The following LTBP2 variants were observed in gnomAD, a reference collection of about 807,000 sequenced individuals.
LTBP2 encodes the protein latent-transforming growth factor beta-binding protein 2.
A neutral mutation model predicts 210.6 loss-of-function variants in LTBP2; 103 were observed. The ratio of observed to expected loss-of-function variants is 0.49; its 90% CI spans 0.42 to 0.58. LTBP2 has a LOEUF of 0.58. Ranked by LOEUF, LTBP2 falls within the 20% of genes least tolerant of loss-of-function variation. LTBP2 has a pLI of 0.00. For synonymous variants in LTBP2, 1,007 were observed against 1,015.0 expected (o/e 0.99, Z 0.15); for missense variants, 2,313 against 2,494.5 (o/e 0.93, Z 1.55).
At chr14:74,572,785 A>G (rs182572293) in intron 3 of LTBP2, among the ~76,000 whole-genome samples, 1 of 152,196 alleles carries the variant, frequency 6.6e-6, no homozygotes, top group African/African-American at 2.4e-5. Flanking sequence ...GCAGAGGGAG[A>G]CCCTCACTGA....
chr14:74,597,073 C>A (rs1595299821), intron 2 of LTBP2, among the ~76,000 whole-genome samples: 1 of 152,158 alleles, frequency 6.6e-6, no homozygotes, highest in African/African-American at 2.4e-5. Flanking sequence ...TAGAAGACCC[C>A]AGACTAAGTC....
At position 74,589,223 on chromosome 14, in the gene LTBP2, C is replaced by T. The variant is rs188353170; in HGVS notation, c.566-3105G>A. The stretch of plus-strand genomic sequence containing the variant: ...GGATGTGAAGCTTGTGATAGTGTCT[C>T]CAGCACACTGTCTGACACGGAAAGT... On this transcript the variant is annotated intron_variant, in intron 2 of 35. Coordinates refer to ENST00000261978, the MANE Select transcript of LTBP2 (RefSeq NM_000428.3). Among the ~76,000 whole-genome samples the T allele has an allele frequency of 7.2e-5, 11 of 152,286 alleles. No homozygotes were observed. The East Asian group carries it at 2.1e-3, about 29-fold the overall frequency.
intron 19 of LTBP2, among the ~76,000 whole-genome samples, chr14:74,510,856 T>A (rs747674419): frequency 1.3e-5 from 2 of 152,196 alleles, no homozygotes; most frequent in African/African-American, 4.8e-5. Flanking sequence ...CGCTGTGCGG[T>A]GGGCGTGCAG....
chr14:74,585,309 AG>A (rs1248703576), intron 3 of LTBP2, among the ~76,000 whole-genome samples: 1 of 152,196 alleles, frequency 6.6e-6, no homozygotes, highest in African/African-American at 2.4e-5. Flanking sequence ...CCTACATCAC[AG>A]GGACCACAGG....
intron 3 of LTBP2, among the ~76,000 whole-genome samples, chr14:74,571,879 G>A (rs1305559339): frequency 6.6e-6 from 1 of 152,090 alleles, no homozygotes; most frequent in Non-Finnish European, 1.5e-5. Flanking sequence ...TGTTTTGCAA[G>A]GAACAGGGAT....
At chr14:74,511,658 G>C (rs555405664) in intron 18 of LTBP2, among the ~76,000 whole-genome samples, 1 of 152,326 alleles carries the variant, frequency 6.6e-6, no homozygotes, top group South Asian at 2.1e-4. Context: ...TTGTGAGCTG[G>C]GCTGTTGGGG....
chr14:74,562,476 A>C (rs1353947142), intron 3 of LTBP2, among the ~76,000 whole-genome samples: 1 of 152,178 alleles, frequency 6.6e-6, no homozygotes, highest in Non-Finnish European at 1.5e-5. Context: ...TTAAAGTAAA[A>C]AGACAAATGA....
chr14:74,591,077 C>G (rs563926642), intron 2 of LTBP2, among the ~76,000 whole-genome samples: 2 of 152,188 alleles, frequency 1.3e-5, no homozygotes, highest in East Asian at 3.8e-4. Flanking sequence ...CTACGGCACA[C>G]CACGACTCAC....
chr14:74,498,290 C>T lies in LTBP2; in HGVS notation c.*2594G>A, dbSNP rs1327945550. 5.4e-6 allele frequency: 1 copy of T among 186,084 alleles called. No individual in the cohort carries two copies. The highest frequency in any genetic ancestry group is 1.1e-5 in the Non-Finnish European group (1 of 88,056). The allele number at this position is 186,084 out of a possible 1,614,324, so 11.5% of individuals were successfully genotyped here. A position where few individuals can be genotyped will look rare whatever the true frequency, so the allele number is the denominator to read the frequency against. On this transcript the variant is annotated 3_prime_UTR_variant, in exon 36 of 36. Transcript: ENST00000261978. The stretch of plus-strand genomic sequence containing the variant: ...AAAAGTCTCCCAATCCTGTACCTAT[C>T]CACCCTGTCACCCTCCCCACAAACC...
At position 74,612,162 on chromosome 14, in the gene LTBP2, C is replaced by T. The variant is rs1595309293; in HGVS notation, c.-218G>A. On this transcript the variant is annotated 5_prime_UTR_variant, in exon 1 of 36. Coordinates refer to ENST00000261978, the MANE Select transcript of LTBP2 (RefSeq NM_000428.3). ...CGCGCTCCTACTCCAGCTGGGCTCGCACGGCTGCTGCACCTTCGCGCCTCC... is the reference window on the plus strand; with the variant it reads ...CGCGCTCCTACTCCAGCTGGGCTCGTACGGCTGCTGCACCTTCGCGCCTCC... The T allele has an allele frequency of 3.8e-6, 2 of 520,066 alleles. No homozygotes were observed. The highest frequency in any genetic ancestry group is 6.8e-5 in the East Asian group (2 of 29,266). 32.2% of individuals were successfully genotyped at this position (520,066 alleles called of 1,614,324 possible).
intron 1 of LTBP2, among the ~76,000 whole-genome samples, chr14:74,609,760 TC>T (rs1555354525): frequency 6.6e-6 from 1 of 152,182 alleles, no homozygotes; most frequent in Non-Finnish European, 1.5e-5. Flanking sequence ...ACAGGAACCT[TC>T]CAGTACTAGA....
intron 25 of LTBP2, among the ~76,000 whole-genome samples, chr14:74,507,600 ACTT>A (rs2087007661): frequency 6.6e-6 from 1 of 152,188 alleles, no homozygotes; most frequent in African/African-American, 2.4e-5. Flanking sequence ...AGAGCACTGT[ACTT>A]CTCTTTACAC....
chr14:74,517,000 C>G, intron 17 of LTBP2, 59 bp from the exon 18 acceptor site: 1 of 1,541,340 alleles, frequency 6.5e-7, no homozygotes, highest in Non-Finnish European at 8.7e-7. Flanking sequence ...GTGGAGGGGG[C>G]GGGGTCCTGG....
chr14:74,503,683 A>G (rs986799355), intron 31 of LTBP2, 77 bp from the exon 32 acceptor site: 16 of 1,579,028 alleles, frequency 1.0e-5, no homozygotes, highest in African/African-American at 2.7e-5. Context: ...GTGTTTGCCT[A>G]TCACTGATAA....
intron 12 of LTBP2, 104 bp from the exon 13 acceptor site, chr14:74,527,470 C>T (rs1214798896): frequency 4.8e-6 from 6 of 1,241,186 alleles, no homozygotes; most frequent in South Asian, 1.3e-5. Flanking sequence ...CAGACCACAT[C>T]CCCAGCAGGG....
chr14:74,585,943 G>A lies in LTBP2; in HGVS notation c.741C>T (p.Arg247=), dbSNP rs746445216. 1.2e-6 allele frequency: 2 copies of A among 1,613,906 alleles called. No homozygotes were observed. ...RRWAERSPNL[R]RSSAAGEGTL... ...TGCCCTCTCCAGCCGCACTGCTCCT[G>A]CGCAGGTTGGGTGAACGCTCGGCCC... Residue 247 remains arginine (R), a synonymous_variant, in exon 3 of 36, where the codon CGC becomes CGT. Transcript: ENST00000261978.
chr14:74,578,579 C>T (rs372564470), intron 3 of LTBP2, among the ~76,000 whole-genome samples: 200 of 152,292 alleles, frequency 1.3e-3, no homozygotes, highest in Non-Finnish European at 2.3e-3. Context: ...TCAGGGCACC[C>T]AGCACTGCCC....
At chr14:74,528,785 C>G in intron 11 of LTBP2, 87 bp from the exon 12 acceptor site, 1 of 1,543,828 alleles carries the variant, frequency 6.5e-7, no homozygotes. Flanking sequence ...TTGGGAGACA[C>G]GGCAATTGTG....
rs1262434179 is a variant in LTBP2 at position 74,611,851 on chromosome 14, C to A, written c.94G>T (p.Ala32Ser). 1.2e-6 allele frequency: 2 copies of A among 1,611,102 alleles called. No homozygotes were observed. The highest frequency in any genetic ancestry group is 1.7e-5 in the Admixed American group (1 of 59,960). Reference protein sequence around the residue: ...LPLTLALFVGAGHAQRDPVGR... With the variant: ...LPLTLALFVGSGHAQRDPVGR... The stretch of plus-strand genomic sequence containing the variant: ...ACGGGGTCCCTTTGGGCATGACCCG[C>A]GCCCACGAAGAGAGCCAGGGTGAGC... The change falls in exon 1 of 36, where the codon GCG (alanine) becomes TCG (serine). Residue 32 changes from alanine to serine, a missense_variant. Coordinates refer to ENST00000261978, the MANE Select transcript of LTBP2 (RefSeq NM_000428.3).
Sources: allele counts gnomAD v4.1 joint callset (sites outside exome capture counted in the v4.1 genomes callset), GRCh38; gene constraint gnomAD v4.1.1; transcripts MANE v1.5; gene names NCBI Gene and HGNC (gene_info 2026-07-23, HGNC 2026-07-21).